SDCCAG8: variants seen among roughly 807,000 people sequenced by gnomAD.
SDCCAG8 encodes serologically defined colon cancer antigen 8.
SDCCAG8 carries 74 observed loss-of-function variants against 101.8 expected under a neutral mutation model. The ratio of observed to expected loss-of-function variants is 0.73; its 90% CI spans 0.60 to 0.88. The LOEUF (loss-of-function observed/expected upper bound fraction) is 0.88. Ranked by LOEUF, SDCCAG8 falls within the 40% of genes least tolerant of loss-of-function variation. The pLI is 0.00. For synonymous variants in SDCCAG8, 281 were observed against 292.9 expected, an observed-to-expected ratio of 0.96 and a Z score of 0.41; for missense variants, 787 against 822.6, an observed-to-expected ratio of 0.96 and a Z score of 0.53.
At position 243,330,711 on chromosome 1, in the gene SDCCAG8, G is replaced by C; in HGVS notation, c.1221+19G>C. 6.2e-7 allele frequency: 1 copy of C among 1,613,624 alleles called. No individual in the cohort carries two copies. Among genetic ancestry groups the C allele is most frequent in the South Asian group, 1.1e-5 (1 of 91,062 alleles). ...ATCAAAGGTACTTAAGGACTCTGCT[G>C]TTATCCACATTGCAGAAGAAAGGTT... On this transcript the variant is annotated intron_variant, in intron 10 of 17. Transcript: ENST00000366541.
chr1:243,464,545 AT>A (rs1659754497), intron 16 of SDCCAG8, among the ~76,000 whole-genome samples: 1 of 152,242 alleles, frequency 6.6e-6, no homozygotes, highest in Admixed American at 6.5e-5. Flanking sequence ...AATACACATT[AT>A]TACACATATT....
chr1:243,381,787 T>C (rs1348789410), intron 13 of SDCCAG8, among the ~76,000 whole-genome samples: 1 of 152,186 alleles, frequency 6.6e-6, no homozygotes, highest in Non-Finnish European at 1.5e-5. Context: ...AGAAGCTACA[T>C]CTGTATATGC....
At chr1:243,298,818 G>A (rs1007567573) in intron 6 of SDCCAG8, among the ~76,000 whole-genome samples, 1 of 152,134 alleles carries the variant, frequency 6.6e-6, no homozygotes, top group Non-Finnish European at 1.5e-5. Flanking sequence ...CTGTGTTTTA[G>A]TTAATTGTGC....
At chr1:243,425,718 T>C (rs2081295787) in intron 15 of SDCCAG8, among the ~76,000 whole-genome samples, 1 of 152,216 alleles carries the variant, frequency 6.6e-6, no homozygotes, top group Non-Finnish European at 1.5e-5. Context: ...TAAACATCTT[T>C]CTGATCTTCA....
chr1:243,401,090 G>A (rs2079366661), intron 13 of SDCCAG8, among the ~76,000 whole-genome samples: 1 of 152,154 alleles, frequency 6.6e-6, no homozygotes, highest in South Asian at 2.1e-4. Flanking sequence ...AGTTTCTACT[G>A]GTGAGGTTTT....
At chr1:243,448,169 G>A (rs2083078387) in intron 16 of SDCCAG8, among the ~76,000 whole-genome samples, 1 of 152,304 alleles carries the variant, frequency 6.6e-6, no homozygotes, top group East Asian at 1.9e-4. Flanking sequence ...CTTGAGGTGT[G>A]GTTCATCCAG....
intron 17 of SDCCAG8, among the ~76,000 whole-genome samples, chr1:243,491,095 C>T (rs1666295150): frequency 6.6e-6 from 1 of 152,216 alleles, no homozygotes; most frequent in African/African-American, 2.4e-5. Flanking sequence ...ACGGCAGCTT[C>T]CTTTGGGCTC....
intron 5 of SDCCAG8, among the ~76,000 whole-genome samples, chr1:243,289,562 G>A (rs10926982): frequency 0.44 from 66,598 of 152,092 alleles, 17,198 homozygotes; most frequent in East Asian, 0.75. Flanking sequence ...AACTATTTAC[G>A]TTATATTACT....
rs546099487 is a variant in SDCCAG8 at position 243,446,486 on chromosome 1, G to A, written c.1985+19928G>A. 8.9e-4 allele frequency among the ~76,000 whole-genome samples: 136 copies of A among 152,194 alleles called. 1 individual carries two copies. Among genetic ancestry groups the A allele is most frequent in the African/African-American group, 3.0e-3 (125 of 41,542 alleles). Reference sequence around the variant, plus strand: ...TCACTTTGTTGCCCAGGCTGGTCTCGAACTCCTGGGCTCAAGCCATCTGCC... The same window carrying A: ...TCACTTTGTTGCCCAGGCTGGTCTCAAACTCCTGGGCTCAAGCCATCTGCC... On this transcript the variant is annotated intron_variant, in intron 16 of 17. Transcript: ENST00000366541.
chr1:243,449,663 A>G (rs1350291627), intron 16 of SDCCAG8, among the ~76,000 whole-genome samples: 1 of 152,222 alleles, frequency 6.6e-6, no homozygotes, highest in Non-Finnish European at 1.5e-5. Context: ...GTTTTTCCAC[A>G]TGGCCCTTAA....
Position 243,430,594 on chromosome 1 carries a change from A to G in SDCCAG8, c.1985+4036A>G, listed in dbSNP as rs570788640. 7.6e-4 allele frequency among the ~76,000 whole-genome samples: 115 copies of G among 151,848 alleles called. 1 individual carries two copies. The highest frequency in any genetic ancestry group is 2.7e-3 in the African/African-American group (113 of 41,438). ...GCTGGGACCACAGGCGCCCACCACCACGCCCGGCTAATTTTTTGTATTTTT... is the reference window on the plus strand; with the variant it reads ...GCTGGGACCACAGGCGCCCACCACCGCGCCCGGCTAATTTTTTGTATTTTT... On this transcript the variant is annotated intron_variant, in intron 16 of 17. Transcript: ENST00000366541.
chr1:243,440,024 T>A (rs1360693674), intron 16 of SDCCAG8, among the ~76,000 whole-genome samples: 3 of 152,180 alleles, frequency 2.0e-5, no homozygotes, highest in Non-Finnish European at 4.4e-5. Flanking sequence ...GAGCATATGG[T>A]GCATAATGGT....
intron 8 of SDCCAG8, among the ~76,000 whole-genome samples, chr1:243,312,706 C>CA (rs34803859): frequency 0.4 from 39,984 of 98,804 alleles, 6,919 homozygotes; most frequent in South Asian, 0.51. Flanking sequence ...AACCTGTCTC[C>CA]AAAAAAAAAA....
At chr1:243,440,016 G>A (rs1214438032) in intron 16 of SDCCAG8, among the ~76,000 whole-genome samples, 1 of 152,168 alleles carries the variant, frequency 6.6e-6, no homozygotes, top group African/African-American at 2.4e-5. Context: ...TGCTAATGGA[G>A]CATATGGTGC....
chr1:243,258,171 G>A (rs1489381931), intron 1 of SDCCAG8, among the ~76,000 whole-genome samples: 2 of 148,830 alleles, frequency 1.3e-5, no homozygotes, highest in East Asian at 3.9e-4. Flanking sequence ...AAATACGAAG[G>A]ATAGAAAAAG....
chr1:243,485,063 G>GC lies in SDCCAG8; in HGVS notation c.1986-3951_1986-3950insC, dbSNP rs1192225062. On this transcript the variant is annotated intron_variant, in intron 16 of 17. Coordinates refer to ENST00000366541, the MANE Select transcript of SDCCAG8 (RefSeq NM_006642.5). ...CATCTCAAAAAAAAAAAAAGAAGAA[G>GC]AAGCAGAAGAAGAGAGGTGTTTAGC... is the stretch of plus-strand genomic sequence containing the variant. 3.2e-3 allele frequency among the ~76,000 whole-genome samples: 478 copies of GC among 151,230 alleles called. 2 individuals are homozygous for GC. The highest frequency in any genetic ancestry group is 0.011 in the African/African-American group (433 of 41,162).
At chr1:243,470,495 C>CT (rs1364199882) in intron 16 of SDCCAG8, among the ~76,000 whole-genome samples, 6 of 96,878 alleles carry the variant, frequency 6.2e-5, no homozygotes, top group East Asian at 2.9e-4. Flanking sequence ...TTTTTTTTTT[C>CT]TTTTTTTTGC....
intron 12 of SDCCAG8, among the ~76,000 whole-genome samples, chr1:243,365,980 G>A (rs1426089212): frequency 2.0e-5 from 3 of 151,970 alleles, no homozygotes; most frequent in Admixed American, 6.6e-5. Flanking sequence ...TGAACAAACT[G>A]TTTCAAAAAC....
chr1:243,339,027 G>A (rs2075218250), intron 10 of SDCCAG8: 1 of 155,182 alleles, frequency 6.4e-6, no homozygotes, highest in African/African-American at 2.5e-5. Context: ...GACAGCTAGT[G>A]GGCAGAGGAC....
Sources: gnomAD v4.1 joint callset for allele counts (sites outside exome capture counted in the v4.1 genomes callset) on GRCh38, gnomAD v4.1.1 for gene constraint, MANE v1.5 for transcripts, NCBI Gene and HGNC (gene_info 2026-07-23, HGNC 2026-07-21) for gene names.